The following CA10 variants were observed in gnomAD, a reference collection of about 807,000 sequenced individuals.
CA10 encodes carbonic anhydrase-related protein 10.
CA10 carries 14 observed loss-of-function variants against 44.2 expected under a neutral mutation model. The observed-to-expected ratio is 0.32, with a 90% CI of 0.21 to 0.50. The LOEUF (loss-of-function observed/expected upper bound fraction) is 0.50, where lower values mean the gene tolerates loss of function less well. Ranked by LOEUF, CA10 falls within the 20% of genes least tolerant of loss-of-function variation. The pLI is 0.99. For synonymous variants in CA10, 159 were observed against 141.6 expected, an observed-to-expected ratio of 1.12 and a Z score of -0.87; for missense variants, 350 against 409.7, an observed-to-expected ratio of 0.85 and a Z score of 1.26.
intron 6 of CA10, among the ~76,000 whole-genome samples, chr17:51,639,945 G>A (rs1391414530): frequency 2.0e-5 from 3 of 152,328 alleles, no homozygotes; most frequent in Non-Finnish European, 2.9e-5. Context: ...CTAGCATAAG[G>A]TGTGGTCCAG....
intron 4 of CA10, among the ~76,000 whole-genome samples, chr17:51,687,046 T>A (rs999304484): frequency 2.6e-5 from 4 of 152,198 alleles, no homozygotes; most frequent in Non-Finnish European, 4.4e-5. Flanking sequence ...CACCCCTATT[T>A]AAAAACCTCC....
intron 2 of CA10, among the ~76,000 whole-genome samples, chr17:52,040,211 C>A (rs535392316): frequency 6.7e-6 from 1 of 149,646 alleles, no homozygotes; most frequent in Non-Finnish European, 1.5e-5. Flanking sequence ...ACCACCATCT[C>A]CCCTGGAGGA....
At chr17:52,108,860 A>C (rs1183152443) in intron 1 of CA10, among the ~76,000 whole-genome samples, 1 of 152,112 alleles carries the variant, frequency 6.6e-6, no homozygotes, top group Non-Finnish European at 1.5e-5. Flanking sequence ...ACCACTAAAG[A>C]ACTTACCCAT....
chr17:52,011,120 A>T (rs1212855143), intron 2 of CA10, among the ~76,000 whole-genome samples: 2 of 151,946 alleles, frequency 1.3e-5, no homozygotes, highest in Non-Finnish European at 2.9e-5. Flanking sequence ...TGTATTGTGG[A>T]TTTGAAGAAT....
rs139482258 is a variant in CA10 at position 51,720,087 on chromosome 17, G to A, written c.465+27546C>T. Among the ~76,000 whole-genome samples, 83 of 152,148 alleles carry A rather than the reference G, an allele frequency of 5.5e-4. 1 individual carries two copies. The Middle Eastern group carries it at 0.024, about 44-fold the overall frequency. ...TGTGGTATAATAAGAAATATTATTT[G>A]GTTTTTGTCTGTGGTTCTTGCCACA... On this transcript the variant is annotated intron_variant, in intron 4 of 8. Coordinates refer to ENST00000451037, the MANE Select transcript of CA10 (RefSeq NM_020178.5).
chr17:51,679,442 T>C (rs1914755975), intron 4 of CA10, among the ~76,000 whole-genome samples: 1 of 151,866 alleles, frequency 6.6e-6, no homozygotes, highest in Non-Finnish European at 1.5e-5. Flanking sequence ...TTTTTATTTT[T>C]AGTAGAGATG....
chr17:51,959,260 T>C (rs944724034), intron 2 of CA10, among the ~76,000 whole-genome samples: 1 of 56,710 alleles, frequency 1.8e-5, no homozygotes, highest in Non-Finnish European at 4.2e-5. Flanking sequence ...GTTCCTATTG[T>C]TCTCTCTCTC....
chr17:52,120,472 ATCCT>A (rs1439488982), intron 1 of CA10, among the ~76,000 whole-genome samples: 1 of 148,806 alleles, frequency 6.7e-6, no homozygotes, highest in Non-Finnish European at 1.5e-5. Flanking sequence ...CCTTATCCTT[ATCCT>A]TATCTTTAAC....
intron 1 of CA10, among the ~76,000 whole-genome samples, chr17:52,107,915 C>T (rs1988694811): frequency 6.6e-6 from 1 of 151,930 alleles, no homozygotes; most frequent in African/African-American, 2.4e-5. Flanking sequence ...AACTTCTTTT[C>T]TACTATGAGA....
At chr17:51,990,121 A>G (rs1274055665) in intron 2 of CA10, among the ~76,000 whole-genome samples, 1 of 152,112 alleles carries the variant, frequency 6.6e-6, no homozygotes, top group Admixed American at 6.6e-5. Flanking sequence ...CTTCAAAGAT[A>G]TATAGCTTAT....
At chr17:51,853,910 GT>G (rs1374050209) in intron 3 of CA10, among the ~76,000 whole-genome samples, 3 of 152,172 alleles carry the variant, frequency 2.0e-5, no homozygotes, top group African/African-American at 7.2e-5. Context: ...ATGTGGAACT[GT>G]GAGTCAATTA....
In CA10 at chr17:51,649,201, G is replaced by A. The variant is rs759881765; in HGVS notation, c.615C>T (p.Ile205=). The A allele has an allele frequency of 3.1e-6, 5 of 1,612,852 alleles. No individual in the cohort carries two copies. Among genetic ancestry groups the A allele is most frequent in the Middle Eastern group, 1.7e-4 (1 of 6,060 alleles). ...ACTTACTTTTATATGTTATTCTTGT[G>A]ATAGTATCTCTGTTGAGCATTCGAT... ...FLNRMLNRDT[I]TRITYKNDAY... is the part of the protein sequence containing the mutation. The change falls in exon 6 of 9, where the codon ATC becomes ATT. Residue 205 remains isoleucine (I), a synonymous_variant. Coordinates refer to ENST00000451037, the MANE Select transcript of CA10 (RefSeq NM_020178.5).
At chr17:52,051,304 C>T (rs921453099) in intron 2 of CA10, among the ~76,000 whole-genome samples, 2 of 151,904 alleles carry the variant, frequency 1.3e-5, no homozygotes, top group Non-Finnish European at 2.9e-5. Flanking sequence ...CAAATGGGAT[C>T]TAATTAAACT....
At position 51,747,838 on chromosome 17, in the gene CA10, A is replaced by G; in HGVS notation, c.280-20T>C. The G allele has an allele frequency of 1.3e-6, 2 of 1,583,760 alleles. No individual in the cohort carries two copies. The highest frequency in any genetic ancestry group is 1.7e-6 in the Non-Finnish European group (2 of 1,160,516). ...ACTGACCTGCAAGGCAATTAGCAAC[A>G]GGTCAAGCAAGGCCCTCCTTCTTCT... is the stretch of plus-strand genomic sequence containing the variant. On this transcript the variant is annotated intron_variant, in intron 3 of 8. Transcript: ENST00000451037.
intron 3 of CA10, among the ~76,000 whole-genome samples, chr17:51,813,299 C>T (rs116109311): frequency 0.011 from 1,686 of 152,272 alleles, 26 homozygotes; most frequent in African/African-American, 0.038. Context: ...TATATCAGAA[C>T]GTGGAGCTTC....
intron 3 of CA10, among the ~76,000 whole-genome samples, chr17:51,757,252 A>G (rs1331546730): frequency 6.6e-6 from 1 of 152,186 alleles, no homozygotes; most frequent in Non-Finnish European, 1.5e-5. Flanking sequence ...GCCTGCTCAC[A>G]TGGGCACTCT....
At chr17:51,796,281 A>G (rs192678226) in intron 3 of CA10, among the ~76,000 whole-genome samples, 18 of 151,622 alleles carry the variant, frequency 1.2e-4, no homozygotes, top group Non-Finnish European at 2.5e-4. Context: ...CTGCGATCTC[A>G]TGGAAGTTAA....
intron 1 of CA10, among the ~76,000 whole-genome samples, chr17:52,097,988 C>T (rs187586321): frequency 1.3e-5 from 2 of 152,302 alleles, no homozygotes; most frequent in African/African-American, 2.4e-5. Context: ...CCAGCGGAGG[C>T]CCCCCAATAT....
intron 3 of CA10, among the ~76,000 whole-genome samples, chr17:51,887,822 A>G (rs1403545807): frequency 6.8e-6 from 1 of 146,194 alleles, no homozygotes. Context: ...AAACCCCTAA[A>G]CCCCTTCTCT....
Sources: allele counts gnomAD v4.1 joint callset (sites outside exome capture counted in the v4.1 genomes callset), GRCh38; gene constraint gnomAD v4.1.1; transcripts MANE v1.5; gene names NCBI Gene and HGNC (gene_info 2026-07-23, HGNC 2026-07-21).